Variants in ZNRF1 observed in about 807,000 individuals in gnomAD.
ZNRF1 encodes the protein E3 ubiquitin-protein ligase ZNRF1.
Under a neutral mutation model 18.4 loss-of-function variants are expected in ZNRF1, and 3 were observed. That is an observed-to-expected ratio of 0.16 (90% CI 0.07 to 0.42). The LOEUF (loss-of-function observed/expected upper bound fraction) is 0.42, where lower values mean the gene tolerates loss of function less well. Among genes scored for constraint, ZNRF1 ranks in the 10% least tolerant of loss-of-function variants. ZNRF1 has a pLI of 0.99. For synonymous variants in ZNRF1, 157 were observed against 144.2 expected, an observed-to-expected ratio of 1.09 and a Z score of -0.64; for missense variants, 310 against 329.8, an observed-to-expected ratio of 0.94 and a Z score of 0.47.
chr16:75,087,289 G>C (rs1377420788), intron 1 of ZNRF1, among the ~76,000 whole-genome samples: 1 of 152,160 alleles, frequency 6.6e-6, no homozygotes, highest in South Asian at 2.1e-4. Context: ...CCTAACAGTG[G>C]GCTTACCCTG....
At position 74,999,496 on chromosome 16, in the gene ZNRF1, C is replaced by T. The variant is rs1383332398; in HGVS notation, c.-176C>T. Reference sequence around the variant, plus strand: ...TTTGGGATCCCCGCCCGCCCGCCTGCCTCTTCCGCCCCGCGGGTTTTTTCC... The same window carrying T: ...TTTGGGATCCCCGCCCGCCCGCCTGTCTCTTCCGCCCCGCGGGTTTTTTCC... On this transcript the variant is annotated 5_prime_UTR_variant, in exon 1 of 5. Coordinates refer to ENST00000335325, the MANE Select transcript of ZNRF1 (RefSeq NM_032268.5). The T allele has an allele frequency of 3.8e-5, 17 of 444,368 alleles. No homozygotes were observed. The highest frequency in any genetic ancestry group is 5.7e-5 in the Non-Finnish European group (15 of 264,990). 27.5% of individuals were successfully genotyped at this position (444,368 alleles called of 1,614,324 possible).
chr16:75,015,707 C>T (rs2035057314), intron 1 of ZNRF1, among the ~76,000 whole-genome samples: 1 of 152,126 alleles, frequency 6.6e-6, no homozygotes. Flanking sequence ...CCTCAGTCTC[C>T]TGGGTAGCTG....
rs941420507 is a variant in ZNRF1, at chr16:75,067,333, G to C, written c.425-26239G>C. Among the ~76,000 whole-genome samples the C allele has an allele frequency of 2.6e-5, 4 of 152,248 alleles. No homozygotes were observed. In the East Asian group the frequency reaches 7.7e-4, roughly 29 times the overall value. ...TGAGGCAGGTGGGAAGGTCACTCTA[G>C]GTACAAGAGAACATAGACCCCATGT... On this transcript the variant is annotated intron_variant, in intron 1 of 4. Coordinates refer to ENST00000335325, the MANE Select transcript of ZNRF1 (RefSeq NM_032268.5).
chr16:75,036,692 G>A (rs1448419849), intron 1 of ZNRF1, among the ~76,000 whole-genome samples: 1 of 150,100 alleles, frequency 6.7e-6, no homozygotes, highest in African/African-American at 2.5e-5. Context: ...TTTCTCAGCT[G>A]TTCAAACTTT....
intron 1 of ZNRF1, among the ~76,000 whole-genome samples, chr16:75,064,228 G>T (rs1412061762): frequency 6.6e-6 from 1 of 151,986 alleles, no homozygotes; most frequent in Non-Finnish European, 1.5e-5. Context: ...TTGAGCCCGG[G>T]AGGTGGAGGT....
intron 1 of ZNRF1, among the ~76,000 whole-genome samples, chr16:75,032,889 T>C (rs2035324503): frequency 6.6e-6 from 1 of 152,158 alleles, no homozygotes; most frequent in African/African-American, 2.4e-5. Context: ...GGTATATGCC[T>C]GTAGTCCCAG....
At chr16:75,026,558 C>T (rs755321555) in intron 1 of ZNRF1, among the ~76,000 whole-genome samples, 6 of 152,190 alleles carry the variant, frequency 3.9e-5, no homozygotes, top group African/African-American at 7.2e-5. Context: ...CTCTTCCCTA[C>T]TGAGACTTTT....
intron 1 of ZNRF1, among the ~76,000 whole-genome samples, chr16:75,025,609 G>T (rs2035212022): frequency 6.6e-6 from 1 of 152,008 alleles, no homozygotes; most frequent in African/African-American, 2.4e-5. Flanking sequence ...TTGTTCTTAG[G>T]GACCAATTAA....
intron 1 of ZNRF1, among the ~76,000 whole-genome samples, chr16:75,036,922 A>G (rs116856895): frequency 0.025 from 3,847 of 152,306 alleles, 68 homozygotes; most frequent in South Asian, 0.058. Flanking sequence ...TTATAGGTCC[A>G]GTTGTGTTGA....
chr16:75,061,271 C>T (rs1209742618), intron 1 of ZNRF1, among the ~76,000 whole-genome samples: 1 of 152,086 alleles, frequency 6.6e-6, no homozygotes, highest in Non-Finnish European at 1.5e-5. Context: ...TTATTTTGCA[C>T]CCATTAACCA....
At chr16:75,016,353 C>G (rs1459256511) in intron 1 of ZNRF1, among the ~76,000 whole-genome samples, 1 of 151,748 alleles carries the variant, frequency 6.6e-6, no homozygotes, top group Non-Finnish European at 1.5e-5. Flanking sequence ...ATTCTCCCAC[C>G]TCAGCCTCCC....
At chr16:75,081,578 G>T (rs1438980535) in intron 1 of ZNRF1, among the ~76,000 whole-genome samples, 1 of 152,234 alleles carries the variant, frequency 6.6e-6, no homozygotes, top group Non-Finnish European at 1.5e-5. Context: ...AACGCTAGAA[G>T]TCCACACCAG....
chr16:75,080,401 A>G (rs2035995373), intron 1 of ZNRF1, among the ~76,000 whole-genome samples: 1 of 152,214 alleles, frequency 6.6e-6, no homozygotes, highest in Non-Finnish European at 1.5e-5. Flanking sequence ...AGTCACTTAC[A>G]TGTGAGTGTC....
At chr16:75,019,751 G>T (rs1033659225) in intron 1 of ZNRF1, among the ~76,000 whole-genome samples, 2 of 152,096 alleles carry the variant, frequency 1.3e-5, no homozygotes, top group Non-Finnish European at 2.9e-5. Context: ...TTGAGACAGG[G>T]TCTTGCTTTG....
Position 75,102,701 on chromosome 16 carries a change from A to G in ZNRF1, c.521-2083A>G, listed in dbSNP as rs1012544715. Among the ~76,000 whole-genome samples, 3 of 152,110 alleles carry G rather than the reference A, an allele frequency of 2.0e-5. No homozygotes were observed. The South Asian group carries it at 6.2e-4, about 32-fold the overall frequency. On this transcript the variant is annotated intron_variant, in intron 2 of 4. Coordinates refer to ENST00000335325, the MANE Select transcript of ZNRF1 (RefSeq NM_032268.5). ...TATCCCACATCCATGCCTGGCACCC[A>G]TGTCTCTGTTCCAAACCTCAGCTCT...
At chr16:75,020,596 C>T (rs371333843) in intron 1 of ZNRF1, among the ~76,000 whole-genome samples, 1 of 151,606 alleles carries the variant, frequency 6.6e-6, no homozygotes, top group Non-Finnish European at 1.5e-5. Flanking sequence ...GGCTGGAGTT[C>T]AGTGGCGCGA....
In ZNRF1 at chr16:74,999,121, G is replaced by GA. The variant is rs1405286537; in HGVS notation, c.-550dup. The GA allele has an allele frequency of 6.8e-6, 1 of 147,652 alleles. No individual in the cohort carries two copies. The highest frequency in any genetic ancestry group is 1.5e-5 in the Non-Finnish European group (1 of 66,364). The allele number at this position is 147,652 out of a possible 1,614,324, so 9.1% of individuals were successfully genotyped here. The stretch of plus-strand genomic sequence containing the variant: ...CCGGCGGCGGCTGAAGCGAGAGCGC[G>GA]ACGCGACGCGACCGCGGCTTCCCGA... On this transcript the variant is annotated 5_prime_UTR_variant, in exon 1 of 5. Transcript: ENST00000335325.
intron 1 of ZNRF1, among the ~76,000 whole-genome samples, chr16:75,024,887 C>T (rs2035200100): frequency 1.3e-5 from 2 of 152,184 alleles, no homozygotes; most frequent in Admixed American, 1.3e-4. Flanking sequence ...GCGGAAGTTT[C>T]CCCCATGATC....
chr16:75,062,176 T>C (rs1382342822), intron 1 of ZNRF1, among the ~76,000 whole-genome samples: 1 of 152,242 alleles, frequency 6.6e-6, no homozygotes, highest in Admixed American at 6.5e-5. Context: ...ACAGAGCTGT[T>C]CCAGCTCATT....
Sources: allele counts gnomAD v4.1 joint callset (sites outside exome capture counted in the v4.1 genomes callset), GRCh38; gene constraint gnomAD v4.1.1; transcripts MANE v1.5; gene names NCBI Gene and HGNC (gene_info 2026-07-23, HGNC 2026-07-21).